The following CTNND2 variants were observed in gnomAD, a reference collection of about 807,000 sequenced individuals.
CTNND2 encodes catenin delta 2, also known as catenin delta-2.
In CTNND2, 22 loss-of-function variants were observed where a neutral mutation model predicts 144.4. The observed-to-expected ratio is 0.15, with a 90% CI of 0.11 to 0.22. CTNND2 has a LOEUF of 0.22. Among genes scored for constraint, CTNND2 ranks in the 10% least tolerant of loss-of-function variants. The probability of loss-of-function intolerance (pLI) is 1.00; values close to 1 mark genes in which losing one functional copy is unlikely to be tolerated. For missense variants in CTNND2, 1,353 were observed against 1,618.8 expected (o/e 0.84, Z 2.82); for synonymous variants, 751 against 695.6 (o/e 1.08, Z -1.25).
chr5:11,711,383 T>A (rs577470584), intron 2 of CTNND2, among the ~76,000 whole-genome samples: 15 of 152,282 alleles, frequency 9.9e-5, no homozygotes, highest in African/African-American at 2.6e-4. Flanking sequence ...TAGCATTTTT[T>A]TATATATATT....
At chr5:11,526,847 A>G (rs2150048816) in intron 3 of CTNND2, among the ~76,000 whole-genome samples, 1 of 152,312 alleles carries the variant, frequency 6.6e-6, no homozygotes, top group East Asian at 1.9e-4. Context: ...CGTGTCCATC[A>G]ACAGAGGAAT....
At chr5:11,352,024 A>G (rs1485943595) in intron 8 of CTNND2, among the ~76,000 whole-genome samples, 1 of 152,160 alleles carries the variant, frequency 6.6e-6, no homozygotes, top group Non-Finnish European at 1.5e-5. Context: ...AACTATAAAC[A>G]TTTTGCAATT....
chr5:11,748,371 T>G (rs1168328207), intron 1 of CTNND2, among the ~76,000 whole-genome samples: 1 of 152,124 alleles, frequency 6.6e-6, no homozygotes, highest in Non-Finnish European at 1.5e-5. Flanking sequence ...AAGGTATTAC[T>G]GTAATTGTAA....
rs1423101841 is a variant in CTNND2 at position 11,185,539 on chromosome 5, C to T, written c.1975+13909G>A. Among the ~76,000 whole-genome samples, 3 of 152,224 alleles carry T rather than the reference C, an allele frequency of 2.0e-5. No individual in the cohort carries two copies. The East Asian group carries it at 5.8e-4, about 29-fold the overall frequency. On this transcript the variant is annotated intron_variant, in intron 11 of 21. Coordinates refer to ENST00000304623, the MANE Select transcript of CTNND2 (RefSeq NM_001332.4). The stretch of plus-strand genomic sequence containing the variant: ...ACTTCACAGAGATTCTTCTTCTGGG[C>T]ATTCCCTGGGGATGGCACACAGTTG...
intron 2 of CTNND2, among the ~76,000 whole-genome samples, chr5:11,596,366 G>A (rs1779502796): frequency 6.6e-6 from 1 of 152,048 alleles, no homozygotes; most frequent in African/African-American, 2.4e-5. Context: ...AGACAGAGTG[G>A]GCCCTGTTTC....
intron 16 of CTNND2, among the ~76,000 whole-genome samples, chr5:11,066,929 G>T (rs1223375729): frequency 6.6e-6 from 1 of 152,164 alleles, no homozygotes; most frequent in Non-Finnish European, 1.5e-5. Context: ...TGACCAAAAA[G>T]CAAGACCAAA....
intron 7 of CTNND2, among the ~76,000 whole-genome samples, chr5:11,368,747 T>C (rs763961891): frequency 6.6e-6 from 1 of 152,202 alleles, no homozygotes; most frequent in Non-Finnish European, 1.5e-5. Flanking sequence ...AATAAGAATA[T>C]GTGAATTCTG....
chr5:11,175,743 A>G (rs1263190675), intron 11 of CTNND2, among the ~76,000 whole-genome samples: 1 of 152,136 alleles, frequency 6.6e-6, no homozygotes, highest in Non-Finnish European at 1.5e-5. Context: ...TAGTCTCTCA[A>G]TATGAATTCC....
chr5:11,670,621 T>A (rs757463799), intron 2 of CTNND2, among the ~76,000 whole-genome samples: 1 of 152,138 alleles, frequency 6.6e-6, no homozygotes, highest in South Asian at 2.1e-4. Flanking sequence ...TCTTCCTCCA[T>A]CCCTTTATTT....
intron 10 of CTNND2, among the ~76,000 whole-genome samples, chr5:11,231,511 C>T (rs1174039098): frequency 6.6e-6 from 1 of 152,148 alleles, no homozygotes; most frequent in Non-Finnish European, 1.5e-5. Context: ...AAAGATGACT[C>T]TTGCTATGCT....
chr5:11,041,081 T>C (rs535281224), intron 16 of CTNND2, among the ~76,000 whole-genome samples: 1 of 152,322 alleles, frequency 6.6e-6, no homozygotes, highest in African/African-American at 2.4e-5. Flanking sequence ...CTGAGCGACA[T>C]TGGAATAGCA....
At chr5:11,848,911 G>A (rs1306736165) in intron 1 of CTNND2, among the ~76,000 whole-genome samples, 1 of 152,040 alleles carries the variant, frequency 6.6e-6, no homozygotes, top group Non-Finnish European at 1.5e-5. Flanking sequence ...TCTTCCTATG[G>A]TTGCTCAACA....
At chr5:11,337,040 T>C (rs1753805953) in intron 9 of CTNND2, among the ~76,000 whole-genome samples, 1 of 152,142 alleles carries the variant, frequency 6.6e-6, no homozygotes. Context: ...AGGGGTGCTG[T>C]CCTCCATGTT....
chr5:11,832,015 G>A (rs1355688477), intron 1 of CTNND2, among the ~76,000 whole-genome samples: 3 of 152,276 alleles, frequency 2.0e-5, no homozygotes, highest in African/African-American at 7.2e-5. Flanking sequence ...CGGGCACAGT[G>A]GCTTATGCCT....
intron 2 of CTNND2, among the ~76,000 whole-genome samples, chr5:11,573,890 A>C (rs561985030): frequency 1.6e-4 from 25 of 152,324 alleles, no homozygotes; most frequent in African/African-American, 5.5e-4. Flanking sequence ...CTTGTTAGCC[A>C]AATAAAGCAT....
intron 2 of CTNND2, among the ~76,000 whole-genome samples, chr5:11,680,781 T>C (rs1210523504): frequency 1.3e-5 from 2 of 151,990 alleles, no homozygotes; most frequent in African/African-American, 2.4e-5. Context: ...AGGCAAGACA[T>C]GTCATGGACA....
intron 9 of CTNND2, among the ~76,000 whole-genome samples, chr5:11,296,889 C>T (rs926728165): frequency 3.9e-5 from 6 of 152,064 alleles, no homozygotes; most frequent in East Asian, 1.9e-4. Context: ...TGTTAAATGA[C>T]GAGTTAATGG....
At chr5:11,344,186 C>A (rs529034051) in intron 9 of CTNND2, among the ~76,000 whole-genome samples, 1 of 151,498 alleles carries the variant, frequency 6.6e-6, no homozygotes, top group South Asian at 2.1e-4. Flanking sequence ...GGGTGGATCA[C>A]GAGGTCAGGA....
chr5:11,860,843 T>C (rs561192143), intron 1 of CTNND2, among the ~76,000 whole-genome samples: 3 of 152,296 alleles, frequency 2.0e-5, no homozygotes, highest in Non-Finnish European at 2.9e-5. Context: ...ATATTGCAAA[T>C]ATAGGGCATT....
Sources: gnomAD v4.1 joint callset for allele counts (sites outside exome capture counted in the v4.1 genomes callset) on GRCh38, gnomAD v4.1.1 for gene constraint, MANE v1.5 for transcripts, NCBI Gene and HGNC (gene_info 2026-07-23, HGNC 2026-07-21) for gene names.